The following PRKN variants were observed in gnomAD, a reference collection of about 807,000 sequenced individuals.
PRKN encodes parkin RBR E3 ubiquitin protein ligase.
Under a neutral mutation model 59.5 loss-of-function variants are expected in PRKN, and 56 were observed. The observed-to-expected ratio is 0.94, with a 90% confidence interval of 0.76 to 1.18. The LOEUF is 1.18. Among genes scored for constraint, PRKN ranks in the 50% most tolerant of loss-of-function variants. The pLI, the probability that PRKN is intolerant of heterozygous loss-of-function variation, is 0.00. For synonymous variants in PRKN, 250 were observed against 222.1 expected (o/e 1.13, Z -1.12); for missense variants, 657 against 596.4 (o/e 1.10, Z -1.06).
intron 2 of PRKN, among the ~76,000 whole-genome samples, chr6:162,404,570 G>A (rs1022922945): frequency 7.0e-6 from 1 of 141,946 alleles, no homozygotes; most frequent in African/African-American, 3.1e-5. Flanking sequence ...TGGGTTTTTG[G>A]TTTGTTTGTT....
chr6:162,711,188 A>T (rs1467802478), intron 1 of PRKN, among the ~76,000 whole-genome samples: 2 of 152,176 alleles, frequency 1.3e-5, no homozygotes, highest in Non-Finnish European at 2.9e-5. Flanking sequence ...GCTCCTAAAG[A>T]CCAGGCATTT....
chr6:161,555,594 T>C (rs1051659144), intron 8 of PRKN, among the ~76,000 whole-genome samples: 6 of 152,164 alleles, frequency 3.9e-5, no homozygotes, highest in African/African-American at 1.4e-4. Flanking sequence ...CTCCTTCCTT[T>C]TTTTCTCTTC....
Position 161,460,108 on chromosome 6 carries a change from A to T in PRKN, c.1084-73231T>A, listed in dbSNP as rs1333198976. 6.6e-6 allele frequency among the ~76,000 whole-genome samples: 1 copy of T among 152,258 alleles called. No homozygotes were observed. The highest frequency in any genetic ancestry group is 1.5e-5 in the Non-Finnish European group (1 of 68,050). ...TGGTGCAGGAATAGTACGAACAAAT[A>T]TAAACAGCAATTGATCCTACCCTCA... On this transcript the variant is annotated intron_variant, in intron 9 of 11. Transcript: ENST00000366898. The surrounding 1 kb of genome is among the most constrained non-coding windows in gnomAD (Gnocchi z 5.0).
chr6:161,953,856 C>T (rs1790014), intron 6 of PRKN, among the ~76,000 whole-genome samples: 35,505 of 152,010 alleles, frequency 0.23, 5,046 homozygotes, highest in East Asian at 0.32. Flanking sequence ...TACTTATAAT[C>T]AGTGGTACTG....
At chr6:161,383,073 C>T (rs1193775398) in intron 10 of PRKN, among the ~76,000 whole-genome samples, 3 of 152,192 alleles carry the variant, frequency 2.0e-5, no homozygotes, top group African/African-American at 4.8e-5. Flanking sequence ...CTAAAGCCTT[C>T]GGTTCCAAGG....
chr6:162,184,224 C>T (rs893299246), intron 4 of PRKN, among the ~76,000 whole-genome samples: 3 of 152,108 alleles, frequency 2.0e-5, no homozygotes, highest in Non-Finnish European at 4.4e-5. Context: ...ATTCAATAAG[C>T]AAAAATTACT....
In PRKN at chr6:161,348,794, T is replaced by G. The variant is rs991951798; in HGVS notation, c.*1305A>C. 3.8e-5 allele frequency: 8 copies of G among 209,658 alleles called. No homozygotes were observed. Among genetic ancestry groups the G allele is most frequent in the Non-Finnish European group, 3.9e-5 (4 of 103,148 alleles). 13.0% of individuals were successfully genotyped at this position (209,658 alleles called of 1,614,324 possible). A position where few individuals can be genotyped will look rare whatever the true frequency, so the allele number is the denominator to read the frequency against. ...CAGACAATACAGGTAGAACAAAAGA[T>G]AGTGGTTGTACTTTCTCTTCTGCGT... is the stretch of plus-strand genomic sequence containing the variant. On this transcript the variant is annotated 3_prime_UTR_variant, in exon 12 of 12. Coordinates refer to ENST00000366898, the MANE Select transcript of PRKN (RefSeq NM_004562.3). The surrounding 1 kb of genome is among the most constrained non-coding windows in gnomAD (Gnocchi z 4.9).
Position 161,461,229 on chromosome 6 carries a change from T to G in PRKN, c.1084-74352A>C, listed in dbSNP as rs941938897. On this transcript the variant is annotated intron_variant, in intron 9 of 11. Coordinates refer to ENST00000366898, the MANE Select transcript of PRKN (RefSeq NM_004562.3). This position sits in a 1 kb window ranked among gnomAD's most constrained non-coding sequence, Gnocchi z 5.1. ...AGCGGCCTGTGCAAAGGTCTGGAGG[T>G]CTGAAAAGTACTCAGTGAGTTCCGG... Among the ~76,000 whole-genome samples the G allele has an allele frequency of 1.3e-5, 2 of 151,958 alleles. No homozygotes were observed. The highest frequency in any genetic ancestry group is 2.9e-5 in the Non-Finnish European group (2 of 67,996).
In PRKN at chr6:162,006,282, A is replaced by C. The variant is rs1000147698; in HGVS notation, c.619-32865T>G. Among the ~76,000 whole-genome samples, 2 of 152,124 alleles carry C rather than the reference A, an allele frequency of 1.3e-5. 1 individual carries two copies. The highest frequency in any genetic ancestry group is 4.8e-5 in the African/African-American group (2 of 41,422). ...AATTCAATTTCCATTCAATTTAAAC[A>C]CTGAATGGAAAAATTCTCACACCAC... On this transcript the variant is annotated intron_variant, in intron 5 of 11. Coordinates refer to ENST00000366898, the MANE Select transcript of PRKN (RefSeq NM_004562.3).
chr6:162,466,985 G>A (rs534525840), intron 1 of PRKN, among the ~76,000 whole-genome samples: 16 of 152,086 alleles, frequency 1.1e-4, no homozygotes, highest in African/African-American at 2.9e-4. Flanking sequence ...AAAATAGGTC[G>A]AAAAAATTAA....
rs11967598 is a variant in PRKN at position 161,832,845 on chromosome 6, C to T, written c.735-46937G>A. ...CCTGCAGGGTCTCCAGCAGCATCCC[C>T]GCTCCTGCCCACTAGATGCCAGCAG... On this transcript the variant is annotated intron_variant, in intron 6 of 11. Coordinates refer to ENST00000366898, the MANE Select transcript of PRKN (RefSeq NM_004562.3). 7.9e-3 allele frequency among the ~76,000 whole-genome samples: 1,203 copies of T among 151,866 alleles called. 22 individuals are homozygous for T. The highest frequency in any genetic ancestry group is 0.027 in the African/African-American group (1,132 of 41,418).
At chr6:162,591,269 G>A (rs963243731) in intron 1 of PRKN, among the ~76,000 whole-genome samples, 12 of 151,786 alleles carry the variant, frequency 7.9e-5, no homozygotes, top group Admixed American at 4.6e-4. Flanking sequence ...TTTCTTTATA[G>A]GTACATTTTT....
intron 7 of PRKN, among the ~76,000 whole-genome samples, chr6:161,746,867 C>T (rs3019445): frequency 0.55 from 82,030 of 148,738 alleles, 23,088 homozygotes; most frequent in African/African-American, 0.63. Context: ...TATATATCTA[C>T]GTATATATCT....
chr6:161,669,318 T>C (rs1784828284), intron 7 of PRKN, among the ~76,000 whole-genome samples: 2 of 152,160 alleles, frequency 1.3e-5, no homozygotes, highest in Non-Finnish European at 2.9e-5. Flanking sequence ...CAAGACACCA[T>C]CTTCACAGTG....
In PRKN at chr6:161,372,544, A is replaced by C. The variant is rs1467239678; in HGVS notation, c.1168-12339T>G. Among the ~76,000 whole-genome samples, 1 of 152,224 alleles carries C rather than the reference A, an allele frequency of 6.6e-6. No individual in the cohort carries two copies. The highest frequency in any genetic ancestry group is 2.4e-5 in the African/African-American group (1 of 41,460). On this transcript the variant is annotated intron_variant, in intron 10 of 11. Transcript: ENST00000366898. The surrounding 1 kb of genome is among the most constrained non-coding windows in gnomAD (Gnocchi z 4.2). ...CTGGACCCTGGGGATACATCCCAGT[A>C]AACAAGAGAGATGACAAATAGCAAG...
At chr6:162,644,092 C>T (rs1778070985) in intron 1 of PRKN, among the ~76,000 whole-genome samples, 2 of 152,262 alleles carry the variant, frequency 1.3e-5, no homozygotes, top group East Asian at 1.9e-4. Flanking sequence ...GTTGAACGCT[C>T]CCACTTTCAG....
At chr6:162,008,328 C>T (rs892323031) in intron 5 of PRKN, among the ~76,000 whole-genome samples, 2 of 152,112 alleles carry the variant, frequency 1.3e-5, no homozygotes, top group African/African-American at 4.8e-5. Context: ...CTGCTTCGTG[C>T]CCCGGGGGCC....
chr6:161,855,859 A>C (rs1382753448), intron 6 of PRKN, among the ~76,000 whole-genome samples: 2 of 152,190 alleles, frequency 1.3e-5, no homozygotes, highest in African/African-American at 4.8e-5. Context: ...AATATTATCT[A>C]ACATAAGAAA....
At position 162,058,648 on chromosome 6, in the gene PRKN, A is replaced by G. The variant is rs1777965798; in HGVS notation, c.535-4474T>C. On this transcript the variant is annotated intron_variant, in intron 4 of 11. Transcript: ENST00000366898. ...TGGTCAATAACACACCTACGTGGCAACAGCCAAGAAGGAGCACTAATAGGC... is the reference window on the plus strand; with the variant it reads ...TGGTCAATAACACACCTACGTGGCAGCAGCCAAGAAGGAGCACTAATAGGC... 2.6e-5 allele frequency among the ~76,000 whole-genome samples: 4 copies of G among 152,304 alleles called. No homozygotes were observed. In the South Asian group the frequency reaches 8.3e-4, roughly 32 times the overall value.
Sources: allele counts gnomAD v4.1 joint callset (sites outside exome capture counted in the v4.1 genomes callset), GRCh38; gene constraint gnomAD v4.1.1; non-coding constraint Gnocchi (gnomAD v3.1); transcripts MANE v1.5; gene names NCBI Gene and HGNC (gene_info 2026-07-23, HGNC 2026-07-21).